Variants in TMEFF2 observed in about 807,000 individuals in gnomAD.
The protein encoded by TMEFF2 is transmembrane protein with EGF like and two follistatin like domains 2.
In TMEFF2, 28 loss-of-function variants were observed where a neutral mutation model predicts 53.8. That is an observed-to-expected ratio of 0.52 (90% CI 0.39 to 0.71). TMEFF2 has a LOEUF of 0.71. Ranked by LOEUF, TMEFF2 falls within the 30% of genes least tolerant of loss-of-function variation. The pLI, the probability that TMEFF2 is intolerant of heterozygous loss-of-function variation, is 0.00. For synonymous variants in TMEFF2, 162 were observed against 166.3 expected (o/e 0.97, Z 0.20); for missense variants, 353 against 455.2 (o/e 0.78, Z 2.04).
intron 4 of TMEFF2, among the ~76,000 whole-genome samples, chr2:192,089,955 ACTTCT>A (rs1466461170): frequency 3.6e-4 from 55 of 152,198 alleles, no homozygotes; most frequent in African/African-American, 1.0e-3. Context: ...ATGTAAGATG[ACTTCT>A]CTTCTCTTTT....
rs369058132 is a variant in TMEFF2, at chr2:191,964,370, TTCTC to T, written c.746-7996_746-7993del. ...TTTCTTTCTTTCTTTCTTTCTTTCTTTCTCTTTCTTTCTTTCTTTCTTTCTTTCT... is the reference window on the plus strand; with the variant it reads ...TTTCTTTCTTTCTTTCTTTCTTTCTTTTTCTTTCTTTCTTTCTTTCTTTCT... On this transcript the variant is annotated intron_variant, in intron 7 of 9. Transcript: ENST00000272771. Among the ~76,000 whole-genome samples the T allele has an allele frequency of 3.7e-3, 279 of 74,916 alleles. 4 individuals are homozygous for T. The highest frequency in any genetic ancestry group is 0.012 in the African/African-American group (247 of 20,812). 49.1% of individuals were successfully genotyped at this position (74,916 alleles called of 152,430 possible).
At chr2:192,081,343 G>T (rs983549135) in intron 4 of TMEFF2, among the ~76,000 whole-genome samples, 2 of 145,048 alleles carry the variant, frequency 1.4e-5, no homozygotes, top group Non-Finnish European at 3.2e-5. Context: ...TCATACTTAA[G>T]TAGTTTGAGG....
chr2:191,993,285 G>T lies in TMEFF2; in HGVS notation c.745+4977C>A, dbSNP rs140064329. 3.7e-3 allele frequency among the ~76,000 whole-genome samples: 561 copies of T among 152,068 alleles called. 3 individuals are homozygous for T. Among genetic ancestry groups the T allele is most frequent in the Non-Finnish European group, 6.6e-3 (451 of 67,942 alleles). On this transcript the variant is annotated intron_variant, in intron 7 of 9. Transcript: ENST00000272771. Reference sequence around the variant, plus strand: ...GACAGAATGTCGTTTAACTATTTCTGATTTCTTTCTTCCACATTTCAGACC... The same window carrying T: ...GACAGAATGTCGTTTAACTATTTCTTATTTCTTTCTTCCACATTTCAGACC...
intron 4 of TMEFF2, among the ~76,000 whole-genome samples, chr2:192,058,317 A>AG (rs1457137680): frequency 6.6e-6 from 1 of 152,178 alleles, no homozygotes; most frequent in African/African-American, 2.4e-5. Context: ...ATAAGTTTTT[A>AG]GAAAATAGTT....
At chr2:192,075,320 T>C (rs970981052) in intron 4 of TMEFF2, among the ~76,000 whole-genome samples, 5 of 87,888 alleles carry the variant, frequency 5.7e-5, no homozygotes, top group African/African-American at 2.0e-4. Context: ...TATATATATA[T>C]ATATATATAT....
chr2:191,994,330 CATTTT>C (rs1686172489), intron 7 of TMEFF2, among the ~76,000 whole-genome samples: 1 of 151,608 alleles, frequency 6.6e-6, no homozygotes, highest in African/African-American at 2.4e-5. Flanking sequence ...AAATAAAAAA[CATTTT>C]ATTTTCTAGA....
chr2:192,019,167 T>G (rs954540873), intron 5 of TMEFF2, among the ~76,000 whole-genome samples: 3 of 152,114 alleles, frequency 2.0e-5, no homozygotes, highest in African/African-American at 7.2e-5. Context: ...CTTTTTTATG[T>G]TAATCATCAC....
intron 9 of TMEFF2, among the ~76,000 whole-genome samples, chr2:191,950,909 T>C (rs1443893360): frequency 6.6e-6 from 1 of 152,208 alleles, no homozygotes; most frequent in Non-Finnish European, 1.5e-5. Context: ...TTTTGTACAT[T>C]ACTAGTATAA....
At chr2:191,993,684 G>T (rs1171642489) in intron 7 of TMEFF2, among the ~76,000 whole-genome samples, 1 of 151,896 alleles carries the variant, frequency 6.6e-6, no homozygotes, top group African/African-American at 2.4e-5. Context: ...TGGAAAATTG[G>T]AAATACCCAT....
chr2:192,079,012 C>T (rs540289857), intron 4 of TMEFF2, among the ~76,000 whole-genome samples: 1 of 152,256 alleles, frequency 6.6e-6, no homozygotes, highest in Admixed American at 6.5e-5. Context: ...GCATTCATCC[C>T]AGATCTCACA....
chr2:192,094,965 A>G (rs16834175), intron 4 of TMEFF2, among the ~76,000 whole-genome samples: 3,112 of 152,334 alleles, frequency 0.02, 96 homozygotes, highest in African/African-American at 0.07. Context: ...GGAGCTATTA[A>G]GCTTCCAATA....
At chr2:191,957,611 G>T (rs892033256) in intron 7 of TMEFF2, among the ~76,000 whole-genome samples, 18 of 152,230 alleles carry the variant, frequency 1.2e-4, no homozygotes, top group African/African-American at 3.9e-4. Flanking sequence ...ACATCTTTAA[G>T]ATCCAGATGC....
At chr2:192,190,148 TA>T (rs1246087576) in intron 2 of TMEFF2, among the ~76,000 whole-genome samples, 1 of 152,176 alleles carries the variant, frequency 6.6e-6, no homozygotes, top group Non-Finnish European at 1.5e-5. Flanking sequence ...ACAATTCCTT[TA>T]ATAAGAAAAT....
intron 4 of TMEFF2, among the ~76,000 whole-genome samples, chr2:192,087,221 T>C (rs1315659271): frequency 1.3e-5 from 2 of 152,106 alleles, no homozygotes; most frequent in Admixed American, 6.6e-5. Flanking sequence ...GTCTTAACTT[T>C]GCAAGATATT....
At chr2:192,158,352 G>T (rs1690554412) in intron 4 of TMEFF2, among the ~76,000 whole-genome samples, 1 of 123,458 alleles carries the variant, frequency 8.1e-6, no homozygotes, top group African/African-American at 2.8e-5. Flanking sequence ...CAAGAACTTT[G>T]TAAATCTAGA....
At chr2:192,028,917 T>TA (rs1391195873) in intron 5 of TMEFF2, 4 of 152,022 alleles carry the variant, frequency 2.6e-5, no homozygotes, top group Non-Finnish European at 5.9e-5. Flanking sequence ...ACAAAGCAAG[T>TA]AAAAATCACC....
intron 4 of TMEFF2, among the ~76,000 whole-genome samples, chr2:192,133,451 C>T (rs571796259): frequency 6.6e-6 from 1 of 152,200 alleles, no homozygotes; most frequent in Non-Finnish European, 1.5e-5. Context: ...TGTTATCACT[C>T]GTCTGCTACA....
intron 4 of TMEFF2, among the ~76,000 whole-genome samples, chr2:192,113,373 T>C (rs1689328552): frequency 6.6e-6 from 1 of 152,194 alleles, no homozygotes; most frequent in South Asian, 2.1e-4. Flanking sequence ...ATTTTTTATA[T>C]ATTCTTGAGT....
chr2:191,993,965 T>C (rs958050456), intron 7 of TMEFF2, among the ~76,000 whole-genome samples: 2 of 152,096 alleles, frequency 1.3e-5, no homozygotes, highest in African/African-American at 2.4e-5. Flanking sequence ...TTATTTTTTA[T>C]TTTTTATCAG....
Sources: allele counts gnomAD v4.1 joint callset (sites outside exome capture counted in the v4.1 genomes callset), GRCh38; gene constraint gnomAD v4.1.1; transcripts MANE v1.5; gene names NCBI Gene and HGNC (gene_info 2026-07-23, HGNC 2026-07-21).